The following RSRC1 variants were observed in gnomAD, a reference collection of about 807,000 sequenced individuals.
RSRC1 encodes serine/Arginine-related protein 53.
RSRC1 carries 39 observed loss-of-function variants against 49.1 expected under a neutral mutation model. The observed-to-expected ratio is 0.79, with a 90% CI of 0.61 to 1.04. The LOEUF is 1.04. Among genes scored for constraint, RSRC1 ranks in the 50% least tolerant of loss-of-function variants. RSRC1 has a pLI of 0.00. For missense variants in RSRC1, 388 were observed against 402.4 expected (o/e 0.96, Z 0.31); for synonymous variants, 143 against 130.8 (o/e 1.09, Z -0.63).
intron 6 of RSRC1, among the ~76,000 whole-genome samples, chr3:158,406,608 C>T (rs947783050): frequency 4.1e-4 from 62 of 152,098 alleles, no homozygotes; most frequent in African/African-American, 1.4e-3. Context: ...AGGATCAATA[C>T]GAAGATCTGT....
At chr3:158,311,309 G>C (rs1728108545) in intron 5 of RSRC1, among the ~76,000 whole-genome samples, 1 of 151,756 alleles carries the variant, frequency 6.6e-6, no homozygotes, top group Non-Finnish European at 1.5e-5. Context: ...GTTGTAAAAA[G>C]TATATGCTAA....
At chr3:158,398,329 G>T (rs1733715490) in intron 6 of RSRC1, among the ~76,000 whole-genome samples, 1 of 152,056 alleles carries the variant, frequency 6.6e-6, no homozygotes, top group Non-Finnish European at 1.5e-5. Context: ...TCTGGTGAGG[G>T]CCAGGAGGCT....
At position 158,113,588 on chromosome 3, in the gene RSRC1, C is replaced by CT. The variant is rs572098629; in HGVS notation, c.-3+3365_-3+3366insT. On this transcript the variant is annotated intron_variant, in intron 1 of 9. Transcript: ENST00000611884. Reference sequence around the variant, plus strand: ...TTCACCATGCTGGCCAGGATGGTCTCCATCTCCTGACCTCGTGATCCACCC... The same window carrying CT: ...TTCACCATGCTGGCCAGGATGGTCTCTCATCTCCTGACCTCGTGATCCACCC... Among the ~76,000 whole-genome samples the CT allele has an allele frequency of 1.4e-3, 211 of 152,078 alleles. 2 individuals are homozygous for CT. The highest frequency in any genetic ancestry group is 4.0e-3 in the African/African-American group (165 of 41,478).
intron 3 of RSRC1, among the ~76,000 whole-genome samples, chr3:158,181,139 T>C (rs1400662423): frequency 1.3e-5 from 2 of 152,190 alleles, no homozygotes; most frequent in Non-Finnish European, 2.9e-5. Context: ...AGGTAACTGA[T>C]ACATGGCTAG....
At chr3:158,229,338 ATG>A (rs1203320890) in intron 4 of RSRC1, among the ~76,000 whole-genome samples, 1 of 142,334 alleles carries the variant, frequency 7.0e-6, no homozygotes, top group Non-Finnish European at 1.5e-5. Flanking sequence ...GTATATGTGT[ATG>A]TATGTATATA....
At chr3:158,447,442 C>G (rs1389475130) in intron 6 of RSRC1, among the ~76,000 whole-genome samples, 1 of 151,888 alleles carries the variant, frequency 6.6e-6, no homozygotes, top group African/African-American at 2.4e-5. Flanking sequence ...TAAACTTTAA[C>G]AAAAATAAAT....
At chr3:158,287,500 G>A (rs912974495) in intron 4 of RSRC1, among the ~76,000 whole-genome samples, 4 of 152,018 alleles carry the variant, frequency 2.6e-5, no homozygotes, top group African/African-American at 9.7e-5. Context: ...TAAATCTAAT[G>A]ATTATTCTTT....
Position 158,309,949 on chromosome 3 carries a change from A to G in RSRC1, c.531+11874A>G, listed in dbSNP as rs149519632. ...TCTGTAGCATTTAAGATATTTAGCTACCATGATATTTTAAGGTAACCTTGA... is the reference window on the plus strand; with the variant it reads ...TCTGTAGCATTTAAGATATTTAGCTGCCATGATATTTTAAGGTAACCTTGA... On this transcript the variant is annotated intron_variant, in intron 5 of 9. Transcript: ENST00000611884. Among the ~76,000 whole-genome samples, 140 of 151,816 alleles carry G rather than the reference A, an allele frequency of 9.2e-4. 1 individual carries two copies. The highest frequency in any genetic ancestry group is 8.7e-3 in the East Asian group (45 of 5,184).
At chr3:158,538,676 T>A (rs769407609) in intron 8 of RSRC1, among the ~76,000 whole-genome samples, 3 of 151,956 alleles carry the variant, frequency 2.0e-5, no homozygotes, top group Non-Finnish European at 2.9e-5. Flanking sequence ...CCCTTTAAAC[T>A]TATTTTCAAG....
chr3:158,125,675 G>C (rs1715574983), intron 3 of RSRC1, among the ~76,000 whole-genome samples: 1 of 152,138 alleles, frequency 6.6e-6, no homozygotes. Context: ...ATGTACACTT[G>C]AGAAGAATGC....
At chr3:158,445,053 G>A (rs1437583387) in intron 6 of RSRC1, among the ~76,000 whole-genome samples, 9 of 152,182 alleles carry the variant, frequency 5.9e-5, no homozygotes, top group Non-Finnish European at 1.0e-4. Flanking sequence ...TACACTGTTG[G>A]TGGGACTGTA....
At chr3:158,135,683 C>T (rs968098615) in intron 3 of RSRC1, among the ~76,000 whole-genome samples, 7 of 151,966 alleles carry the variant, frequency 4.6e-5, no homozygotes, top group African/African-American at 1.7e-4. Context: ...CTGATAGGAC[C>T]TCCTTTATTT....
rs1433389658 is a variant in RSRC1, at chr3:158,477,795, GATTTAT to G, written c.652+16795_652+16800del. Among the ~76,000 whole-genome samples, 83 of 31,168 alleles carry G rather than the reference GATTTAT, an allele frequency of 2.7e-3. 6 individuals are homozygous for G. Among genetic ancestry groups the G allele is most frequent in the African/African-American group, 0.012 (78 of 6,402 alleles). 20.4% of individuals were successfully genotyped at this position (31,168 alleles called of 152,430 possible). The stretch of plus-strand genomic sequence containing the variant: ...TGGTGATGGGATAGGTTGCGGGAGG[GATTTAT>G]ATATATATATATATATATATATATA... On this transcript the variant is annotated intron_variant, in intron 7 of 9. Transcript: ENST00000611884.
intron 3 of RSRC1, among the ~76,000 whole-genome samples, chr3:158,187,441 T>G (rs1014054633): frequency 1.3e-5 from 2 of 152,052 alleles, no homozygotes; most frequent in African/African-American, 4.8e-5. Context: ...TAGCTTTGCA[T>G]TCTCATAGCT....
intron 5 of RSRC1, among the ~76,000 whole-genome samples, chr3:158,333,596 A>G (rs1334184269): frequency 1.3e-5 from 2 of 152,202 alleles, no homozygotes; most frequent in African/African-American, 4.8e-5. Context: ...AACATATTGT[A>G]AAAAGCATTC....
At chr3:158,236,296 AG>A (rs201981038) in intron 4 of RSRC1, among the ~76,000 whole-genome samples, 2,018 of 152,240 alleles carry the variant, frequency 0.013, 28 homozygotes, top group Non-Finnish European at 0.02. Context: ...GTTAAAATCC[AG>A]TTTAGTGCTA....
At chr3:158,543,556 C>A (rs1320548644) in intron 9 of RSRC1, 69 bp downstream of exon 9, 2 of 1,472,322 alleles carry the variant, frequency 1.4e-6, no homozygotes, top group Non-Finnish European at 1.8e-6. Context: ...ATCTGTTATC[C>A]TTTTGTGCTA....
intron 4 of RSRC1, among the ~76,000 whole-genome samples, chr3:158,277,792 T>C (rs1268447299): frequency 6.6e-6 from 1 of 152,224 alleles, no homozygotes; most frequent in Admixed American, 6.5e-5. Context: ...TATTTATTTA[T>C]TTTTTGTTTT....
intron 6 of RSRC1, among the ~76,000 whole-genome samples, chr3:158,443,934 C>T (rs1360845604): frequency 1.3e-5 from 2 of 152,042 alleles, no homozygotes; most frequent in Non-Finnish European, 2.9e-5. Flanking sequence ...GGGCAAGAGA[C>T]AGAGGAACAG....
Sources: allele counts gnomAD v4.1 joint callset (sites outside exome capture counted in the v4.1 genomes callset), GRCh38; gene constraint gnomAD v4.1.1; transcripts MANE v1.5; gene names NCBI Gene and HGNC (gene_info 2026-07-23, HGNC 2026-07-21).